SAMD9L: variants seen among roughly 807,000 people sequenced by gnomAD.
SAMD9L encodes sterile alpha motif domain containing 9 like, also known as sterile alpha motif domain-containing protein 9-like.
Under a neutral mutation model 90.7 loss-of-function variants are expected in SAMD9L, and 68 were observed. The ratio of observed to expected loss-of-function variants is 0.75; its 90% CI spans 0.62 to 0.92. The LOEUF (loss-of-function observed/expected upper bound fraction) is 0.92. SAMD9L is among the 40% of genes least tolerant of loss of function. The pLI is 0.00. For synonymous variants in SAMD9L, 640 were observed against 630.1 expected, an observed-to-expected ratio of 1.02 and a Z score of -0.23; for missense variants, 1,604 against 1,824.3, an observed-to-expected ratio of 0.88 and a Z score of 2.20.
Position 93,133,978 on chromosome 7 carries a change from G to C in SAMD9L, c.1994C>G (p.Thr665Arg). The change falls in exon 5 of 5, where the codon ACA becomes AGA. Residue 665 changes from threonine (T) to arginine (R), a missense_variant. Coordinates refer to ENST00000318238, the MANE Select transcript of SAMD9L (RefSeq NM_152703.5). ...ALEILCENEC[T>R]ETDIEKDKSK... The stretch of plus-strand genomic sequence containing the variant: ...TTTGTCTTTCTCGATGTCTGTCTCT[G>C]TACACTCATTTTCACAGAGGATTTC... The C allele has an allele frequency of 6.2e-7, 1 of 1,613,576 alleles. No homozygotes were observed.
chr7:93,143,355 A>G (rs566623933), intron 4 of SAMD9L, among the ~76,000 whole-genome samples: 7 of 152,260 alleles, frequency 4.6e-5, no homozygotes, highest in South Asian at 4.2e-4. Context: ...TGACTGGAAC[A>G]TGGCTGGACA....
At chr7:93,138,240 A>G (rs1475468239) in intron 4 of SAMD9L, among the ~76,000 whole-genome samples, 2 of 152,110 alleles carry the variant, frequency 1.3e-5, no homozygotes, top group African/African-American at 2.4e-5. Flanking sequence ...AAATTAGCCC[A>G]TATATTGTAA....
intron 4 of SAMD9L, among the ~76,000 whole-genome samples, chr7:93,141,984 G>GTC (rs1467197345): frequency 5.9e-5 from 9 of 152,120 alleles, no homozygotes; most frequent in Non-Finnish European, 1.2e-4. Flanking sequence ...CTGCCCAGTT[G>GTC]TCTTACTGTT....
Position 93,133,661 on chromosome 7 carries a change from T to C in SAMD9L, c.2311A>G (p.Thr771Ala), listed in dbSNP as rs1239045294. Reference sequence around the variant, plus strand: ...TCTGCAATTTCTGCAAAATCAGTTGTCTTGTTTTTTAACACAGCACATCTG... The same window carrying C: ...TCTGCAATTTCTGCAAAATCAGTTGCCTTGTTTTTTAACACAGCACATCTG... ...NFRCAVLKNK[T>A]TDFAEIAEQV... The change falls in exon 5 of 5, where the codon ACA (threonine) becomes GCA (alanine). Residue 771 changes from threonine (T) to alanine (A), a missense_variant. Transcript: ENST00000318238. The C allele has an allele frequency of 6.2e-7, 1 of 1,613,586 alleles. No homozygotes were observed. The highest frequency in any genetic ancestry group is 1.1e-5 in the South Asian group (1 of 91,014).
At position 93,132,572 on chromosome 7, in the gene SAMD9L, A is replaced by G. The variant is rs1792172998; in HGVS notation, c.3400T>C (p.Trp1134Arg). The G allele has an allele frequency of 1.9e-6, 3 of 1,613,830 alleles. No homozygotes were observed. Among genetic ancestry groups the G allele is most frequent in the Middle Eastern group, 3.3e-4 (2 of 6,060 alleles). ...GQVYKSEIKW[W>R]LDGNKNCRSI... ...CTACAGTTTTTGTTCCCATCCAACC[A>G]CCATTTGATTTCACTTTTGTAGACT... The change falls in exon 5 of 5, where the codon TGG becomes CGG. Residue 1134 changes from tryptophan to arginine, a missense_variant. Physicochemically the swap from Trp to Arg is moderately radical, Grantham distance 101. This residue lies in a region of SAMD9L where 302 missense variants were observed against 314.7 expected (regional missense o/e 0.96). Transcript: ENST00000318238.
Position 93,145,461 on chromosome 7 carries a change from C to G in SAMD9L, c.-199G>C, listed in dbSNP as rs765279342. Reference sequence around the variant, plus strand: ...TTCATGAGGCTGTTTGATCTGGATCCCTTAGATTAGTTCCCCTTTCTTGAT... The same window carrying G: ...TTCATGAGGCTGTTTGATCTGGATCGCTTAGATTAGTTCCCCTTTCTTGAT... On this transcript the variant is annotated 5_prime_UTR_variant, in exon 3 of 5. Coordinates refer to ENST00000318238, the MANE Select transcript of SAMD9L (RefSeq NM_152703.5). 5.9e-5 allele frequency: 9 copies of G among 152,070 alleles called. No homozygotes were observed. The highest frequency in any genetic ancestry group is 1.2e-4 in the Non-Finnish European group (8 of 68,018). The allele number at this position is 152,070 out of a possible 1,614,324, so 9.4% of individuals were successfully genotyped here.
Position 93,131,559 on chromosome 7 carries a change from C to T in SAMD9L, c.4413G>A (p.Gln1471=). The change falls in exon 5 of 5, where the codon CAG becomes CAA. Residue 1471 remains glutamine, a synonymous_variant. Transcript: ENST00000318238. ...GQYKRMCRSK[Q]ASTLFYLGKR... is the part of the protein sequence containing the mutation. Reference sequence around the variant, plus strand: ...TGCCCAGATAGAAAAGTGTGCTTGCCTGCTTGGACCTGCACATGCGCTTGT... The same window carrying T: ...TGCCCAGATAGAAAAGTGTGCTTGCTTGCTTGGACCTGCACATGCGCTTGT... The T allele has an allele frequency of 6.2e-7, 1 of 1,613,948 alleles. No homozygotes were observed. The highest frequency in any genetic ancestry group is 2.2e-5 in the East Asian group (1 of 44,882).
intron 4 of SAMD9L, among the ~76,000 whole-genome samples, chr7:93,143,153 A>G (rs908784738): frequency 1.3e-5 from 2 of 152,136 alleles, no homozygotes; most frequent in African/African-American, 4.8e-5. Context: ...TACCATGGAG[A>G]TAGAAACACC....
rs1465931075 is a variant in SAMD9L at position 93,135,635 on chromosome 7, TTTC to T, written c.334_336del (p.Glu112del). ...TAATCAATATTAGATGACATTGAAT[TTTC>T]TTCTTCCTTTTTGGTGTGTTTTGGA... On this transcript the variant is annotated inframe_deletion, in exon 5 of 5. Coordinates refer to ENST00000318238, the MANE Select transcript of SAMD9L (RefSeq NM_152703.5). 3.1e-6 allele frequency: 5 copies of T among 1,614,082 alleles called. No individual in the cohort carries two copies. The highest frequency in any genetic ancestry group is 1.6e-4 in the Middle Eastern group (1 of 6,062).
chr7:93,134,569 T>A lies in SAMD9L; in HGVS notation c.1403A>T (p.His468Leu). Residue 468 changes from histidine (H) to leucine (L), a missense_variant, in exon 5 of 5, where the codon CAC (histidine) becomes CTC (leucine). Coordinates refer to ENST00000318238, the MANE Select transcript of SAMD9L (RefSeq NM_152703.5). Reference protein sequence around the residue: ...AYKESRVANLHFPNQYEDKTT... With the variant: ...AYKESRVANLLFPNQYEDKTT... ...CTTGTCTTCATATTGATTTGGAAAGTGAAGGTTTGCCACCCGACTTTCTTT... is the reference window on the plus strand; with the variant it reads ...CTTGTCTTCATATTGATTTGGAAAGAGAAGGTTTGCCACCCGACTTTCTTT... 1 of 1,613,962 alleles carries A rather than the reference T, an allele frequency of 6.2e-7. No homozygotes were observed. Among genetic ancestry groups the A allele is most frequent in the Non-Finnish European group, 8.5e-7 (1 of 1,179,884 alleles).
Position 93,132,873 on chromosome 7 carries a change from A to T in SAMD9L, c.3099T>A (p.His1033Gln), listed in dbSNP as rs775036034. 1.2e-6 allele frequency: 2 copies of T among 1,613,772 alleles called. No homozygotes were observed. Among genetic ancestry groups the T allele is most frequent in the Admixed American group, 3.3e-5 (2 of 59,916 alleles). The change falls in exon 5 of 5, where the codon CAT becomes CAA. Residue 1033 changes from histidine to glutamine, a missense_variant. Coordinates refer to ENST00000318238, the MANE Select transcript of SAMD9L (RefSeq NM_152703.5). The stretch of plus-strand genomic sequence containing the variant: ...TTGTAAGCAGAAGAGTTTGAACATC[A>T]TGTTGAAATTTGTCTCTTCCTATTC... The part of the protein sequence containing the change: ...DSGIGRDKFQ[H>Q]DVQTLLLTRQ...
In SAMD9L at chr7:93,145,756, G is replaced by A. The variant is rs1053733159; in HGVS notation, c.-494C>T. The A allele has an allele frequency of 6.6e-6, 1 of 152,114 alleles. No homozygotes were observed. Among genetic ancestry groups the A allele is most frequent in the Admixed American group, 6.5e-5 (1 of 15,272 alleles). 9.4% of individuals were successfully genotyped at this position (152,114 alleles called of 1,614,324 possible). A position where few individuals can be genotyped will look rare whatever the true frequency, so the allele number is the denominator to read the frequency against. ...TAGTGAAAAGAATACCCTTCTCCTA[G>A]GTAGCATCTCTTTGTGTACTTACTT... On this transcript the variant is annotated 5_prime_UTR_variant, in exon 3 of 5. Transcript: ENST00000318238.
rs747608565 is a variant in SAMD9L at position 93,131,912 on chromosome 7, C to G, written c.4060G>C (p.Ala1354Pro). Reference protein sequence around the residue: ...LEYLNPNYKDATTMESIVNEY... With the variant: ...LEYLNPNYKDPTTMESIVNEY... ...TTCACTATACTTTCCATGGTGGTAG[C>G]ATCTTTGTAGTTTGGATTAAGATAT... The change falls in exon 5 of 5, where the codon GCT becomes CCT. Residue 1354 changes from alanine (A) to proline (P), a missense_variant. Around this residue, in one of 7 missense-constraint regions of SAMD9L, gnomAD observed 282 missense variants for 329.6 expected, o/e 0.86. Coordinates refer to ENST00000318238, the MANE Select transcript of SAMD9L (RefSeq NM_152703.5). The G allele has an allele frequency of 1.2e-6, 2 of 1,612,868 alleles. No homozygotes were observed. Among genetic ancestry groups the G allele is most frequent in the South Asian group, 2.2e-5 (2 of 91,048 alleles).
In SAMD9L at chr7:93,148,177, T is replaced by A. The variant is rs1261825735; in HGVS notation, c.-1043+17A>T. On this transcript the variant is annotated intron_variant, in intron 1 of 4. Transcript: ENST00000318238. ...AAAAGCATAACAAATAAAGGTTTAA[T>A]GATTCAGTTTACTTACCAGGATTTT... The A allele has an allele frequency of 6.6e-6, 1 of 152,222 alleles. No individual in the cohort carries two copies. Among genetic ancestry groups the A allele is most frequent in the African/African-American group, 2.4e-5 (1 of 41,464 alleles). The allele number at this position is 152,222 out of a possible 1,614,324, so 9.4% of individuals were successfully genotyped here.
chr7:93,136,066 A>G, intron 4 of SAMD9L, 75 bp from the exon 5 acceptor site: 3 of 959,664 alleles, frequency 3.1e-6, no homozygotes, highest in Non-Finnish European at 2.9e-6. Context: ...TTATGTATAC[A>G]TTATCATACA....
Position 93,135,746 on chromosome 7 carries a change from T to C in SAMD9L, c.226A>G (p.Asn76Asp). 1 of 1,614,054 alleles carries C rather than the reference T, an allele frequency of 6.2e-7. No individual in the cohort carries two copies. Among genetic ancestry groups the C allele is most frequent in the Non-Finnish European group, 8.5e-7 (1 of 1,179,996 alleles). Residue 76 changes from asparagine (N) to aspartate (D), a missense_variant, in exon 5 of 5, where the codon AAT becomes GAT. Around this residue, in one of 7 missense-constraint regions of SAMD9L, gnomAD observed 374 missense variants for 363.6 expected, o/e 1.03. Transcript: ENST00000318238. ...LLIKRSYNKL[N>D]SKSPESDNHD... The stretch of plus-strand genomic sequence containing the variant: ...TTGTCACTTTCAGGGGACTTACTAT[T>C]CAATTTGTTGTATGAACGTTTTATC...
intron 4 of SAMD9L, among the ~76,000 whole-genome samples, chr7:93,143,276 T>A (rs1460440480): frequency 6.6e-6 from 1 of 152,226 alleles, no homozygotes; most frequent in East Asian, 1.9e-4. Flanking sequence ...ACACCCTGAC[T>A]GGAACATGGC....
rs747608565 is a variant in SAMD9L at position 93,131,912 on chromosome 7, C to T, written c.4060G>A (p.Ala1354Thr). The change falls in exon 5 of 5, where the codon GCT (alanine) becomes ACT (threonine). Residue 1354 changes from alanine to threonine, a missense_variant. Physicochemically the swap from Ala to Thr is moderately conservative, Grantham distance 58 (BLOSUM62 0). Transcript: ENST00000318238. ...LEYLNPNYKD[A>T]TTMESIVNEY... ...TTCACTATACTTTCCATGGTGGTAG[C>T]ATCTTTGTAGTTTGGATTAAGATAT... is the stretch of plus-strand genomic sequence containing the variant. 1.2e-6 allele frequency: 2 copies of T among 1,612,868 alleles called. No individual in the cohort carries two copies. The highest frequency in any genetic ancestry group is 2.2e-5 in the South Asian group (2 of 91,048).
At chr7:93,142,518 T>G (rs1329358011) in intron 4 of SAMD9L, among the ~76,000 whole-genome samples, 4 of 152,202 alleles carry the variant, frequency 2.6e-5, no homozygotes, top group Non-Finnish European at 5.9e-5. Flanking sequence ...GAAAGAAAAG[T>G]CAGTAAACAT....
Sources: allele counts gnomAD v4.1 joint callset (sites outside exome capture counted in the v4.1 genomes callset), GRCh38; gene constraint gnomAD v4.1.1; regional missense constraint gnomAD v4.1.1; transcripts MANE v1.5; gene names NCBI Gene and HGNC (gene_info 2026-07-23, HGNC 2026-07-21).